Variants in MEF2C observed in about 807,000 individuals in gnomAD.
The protein encoded by MEF2C is myocyte enhancer factor 2C.
Under a neutral mutation model 50.5 loss-of-function variants are expected in MEF2C, and 6 were observed. The observed-to-expected ratio is 0.12, with a 90% CI of 0.07 to 0.23. The LOEUF (loss-of-function observed/expected upper bound fraction) is 0.23. Among genes scored for constraint, MEF2C ranks in the 10% least tolerant of loss-of-function variants. MEF2C has a pLI of 1.00. For synonymous variants in MEF2C, 183 were observed against 228.0 expected, an observed-to-expected ratio of 0.80 and a Z score of 1.78; for missense variants, 276 against 605.0, an observed-to-expected ratio of 0.46 and a Z score of 5.70.
chr5:88,738,284 C>T, intron 6 of MEF2C: 8 of 985,184 alleles, frequency 8.1e-6, no homozygotes, highest in Non-Finnish European at 9.6e-6. Context: ...ACAATATTAG[C>T]AATCGCTAAC....
rs1473161001 is a variant in MEF2C at position 88,747,449 on chromosome 5, C to T, written c.637+1621G>A. Among the ~76,000 whole-genome samples, 2 of 47,950 alleles carry T rather than the reference C, an allele frequency of 4.2e-5. 1 individual carries two copies. The highest frequency in any genetic ancestry group is 1.4e-3 in the East Asian group (2 of 1,458). The allele number at this position is 47,950 out of a possible 152,430, so 31.5% of individuals were successfully genotyped here. ...CTGCAAGCTCTGCCTCCCGGGTTCACGCCATTCTCCTGCCTCAGCCTCCCA... is the reference window on the plus strand; with the variant it reads ...CTGCAAGCTCTGCCTCCCGGGTTCATGCCATTCTCCTGCCTCAGCCTCCCA... On this transcript the variant is annotated intron_variant, in intron 6 of 10. Coordinates refer to ENST00000504921, the MANE Select transcript of MEF2C (RefSeq NM_002397.5).
chr5:88,734,814 T>G, intron 6 of MEF2C: 1 of 978,486 alleles, frequency 1.0e-6, no homozygotes, highest in South Asian at 4.7e-5. Context: ...AATTACGCCA[T>G]TTTAGAAGAT....
At chr5:88,785,035 C>G (rs1790147195) in intron 3 of MEF2C, among the ~76,000 whole-genome samples, 1 of 152,232 alleles carries the variant, frequency 6.6e-6, no homozygotes, top group African/African-American at 2.4e-5. Context: ...TCGATGTACA[C>G]AGATACAAGG....
At chr5:88,834,570 T>C (rs970142283) in intron 1 of MEF2C, among the ~76,000 whole-genome samples, 1 of 152,112 alleles carries the variant, frequency 6.6e-6, no homozygotes, top group Non-Finnish European at 1.5e-5. Context: ...AGAAGTGCTA[T>C]AGAGAAAATA....
chr5:88,743,784 A>C, intron 6 of MEF2C: 1 of 985,386 alleles, frequency 1.0e-6, no homozygotes, highest in South Asian at 4.7e-5. Flanking sequence ...ACATAAATTA[A>C]GCATTCCAGA....
chr5:88,831,923 C>A (rs1340215535), intron 1 of MEF2C, among the ~76,000 whole-genome samples: 1 of 152,108 alleles, frequency 6.6e-6, no homozygotes, highest in African/African-American at 2.4e-5. Flanking sequence ...ATTAAATGAT[C>A]CCAACTGGCC....
intron 1 of MEF2C, among the ~76,000 whole-genome samples, chr5:88,830,289 T>C (rs990971389): frequency 6.6e-6 from 1 of 151,844 alleles, no homozygotes; most frequent in Non-Finnish European, 1.5e-5. Flanking sequence ...TTAATATCTT[T>C]CCCCAAGGAC....
At chr5:88,766,628 C>A (rs1047121749) in intron 3 of MEF2C, 1 of 984,886 alleles carries the variant, frequency 1.0e-6, no homozygotes, top group Admixed American at 6.2e-5. Flanking sequence ...TTTTCATCAT[C>A]ATCCTTTTCC....
chr5:88,735,342 C>T (rs1320295260), intron 6 of MEF2C: 2 of 985,230 alleles, frequency 2.0e-6, no homozygotes, highest in Admixed American at 6.2e-5. Context: ...ATGGATTCAA[C>T]CTTTTTTCAT....
In MEF2C at chr5:88,720,940, C is replaced by T. The variant is rs947554775; in HGVS notation, c.*1664G>A. 13 of 152,552 alleles carry T rather than the reference C, an allele frequency of 8.5e-5. No individual in the cohort carries two copies. Among genetic ancestry groups the T allele is most frequent in the African/African-American group, 3.1e-4 (13 of 41,426 alleles). 9.4% of individuals were successfully genotyped at this position (152,552 alleles called of 1,614,324 possible). On this transcript the variant is annotated 3_prime_UTR_variant, in exon 11 of 11. Coordinates refer to ENST00000504921, the MANE Select transcript of MEF2C (RefSeq NM_002397.5). Reference sequence around the variant, plus strand: ...GTCCTGACACACCGGGATTGTTCAACAGTCCTATATTGCTGACAAGATTGT... The same window carrying T: ...GTCCTGACACACCGGGATTGTTCAATAGTCCTATATTGCTGACAAGATTGT...
intron 6 of MEF2C, chr5:88,735,930 C>A (rs1763881621): frequency 5.1e-6 from 5 of 985,116 alleles, no homozygotes; most frequent in African/African-American, 1.7e-5. Flanking sequence ...TCACTTGTTT[C>A]TTTTTCTTTT....
chr5:88,828,064 G>A (rs1811637530), intron 1 of MEF2C, among the ~76,000 whole-genome samples: 1 of 152,028 alleles, frequency 6.6e-6, no homozygotes. Context: ...TCACTATTAG[G>A]TTCTTTCTAA....
At chr5:88,738,054 G>C in intron 6 of MEF2C, 1 of 985,302 alleles carries the variant, frequency 1.0e-6, no homozygotes, top group Non-Finnish European at 1.2e-6. Context: ...AGCGCAGAGA[G>C]AAAGGTTTAC....
At chr5:88,844,673 A>G (rs1818668096) in intron 1 of MEF2C, 1 of 652,406 alleles carries the variant, frequency 1.5e-6, no homozygotes, top group South Asian at 6.9e-5. Flanking sequence ...TTCTTAATGC[A>G]CTTCTATTTA....
At chr5:88,816,367 T>C (rs1805380819) in intron 2 of MEF2C, among the ~76,000 whole-genome samples, 1 of 151,954 alleles carries the variant, frequency 6.6e-6, no homozygotes, top group Non-Finnish European at 1.5e-5. Flanking sequence ...GGTGGGGAGA[T>C]TATTTGTGAA....
At chr5:88,867,872 G>A (rs1041373833) in intron 1 of MEF2C, among the ~76,000 whole-genome samples, 4 of 152,204 alleles carry the variant, frequency 2.6e-5, no homozygotes, top group African/African-American at 7.2e-5. Context: ...CCTAAAGAAA[G>A]CTGAGTGGAG....
chr5:88,799,930 A>G (rs1455431632), intron 3 of MEF2C, among the ~76,000 whole-genome samples: 1 of 149,060 alleles, frequency 6.7e-6, no homozygotes, highest in Non-Finnish European at 1.5e-5. Flanking sequence ...AGAGACACAC[A>G]TGTTCTTCCT....
intron 1 of MEF2C, among the ~76,000 whole-genome samples, chr5:88,858,751 G>A (rs1307966995): frequency 7.9e-5 from 12 of 152,248 alleles, no homozygotes; most frequent in African/African-American, 2.9e-4. Flanking sequence ...AACATTTAGA[G>A]TGATGCTTAT....
chr5:88,721,487 A>G lies in MEF2C; in HGVS notation c.*1117T>C, dbSNP rs1486515515. The G allele has an allele frequency of 6.6e-6, 1 of 152,620 alleles. No individual in the cohort carries two copies. Among genetic ancestry groups the G allele is most frequent in the African/African-American group, 2.4e-5 (1 of 41,438 alleles). The allele number at this position is 152,620 out of a possible 1,614,324, so 9.5% of individuals were successfully genotyped here. The stretch of plus-strand genomic sequence containing the variant: ...AAACTTATAAAATGTAAGCAGAGTA[A>G]AAGAAAACAGAAAGAAAATAGTTAC... On this transcript the variant is annotated 3_prime_UTR_variant, in exon 11 of 11. Transcript: ENST00000504921.
Sources: gnomAD v4.1 joint callset for allele counts (sites outside exome capture counted in the v4.1 genomes callset) on GRCh38, gnomAD v4.1.1 for gene constraint, MANE v1.5 for transcripts, NCBI Gene and HGNC (gene_info 2026-07-23, HGNC 2026-07-21) for gene names.